Variants in BTBD9 observed in about 807,000 individuals in gnomAD.
BTBD9 encodes BTB domain containing 9.
A neutral mutation model predicts 64.3 loss-of-function variants in BTBD9; 49 were observed. The ratio of observed to expected loss-of-function variants is 0.76; its 90% CI spans 0.61 to 0.97. BTBD9 has a LOEUF of 0.97. BTBD9 is among the 50% of genes least tolerant of loss of function. BTBD9 has a pLI of 0.00. For synonymous variants in BTBD9, 260 were observed against 274.7 expected (o/e 0.95, Z 0.53); for missense variants, 598 against 762.1 (o/e 0.78, Z 2.53).
chr6:38,634,575 T>TA lies in BTBD9; in HGVS notation c.-28+5224_-28+5225insT, dbSNP rs750550906. On this transcript the variant is annotated intron_variant, in intron 1 of 10. Transcript: ENST00000481247. ...TTGCAAACTGGATTGTTCCTTTTTT[T>TA]TAAAAAAAAAGGGGGGGGAGAGGGC... Among the ~76,000 whole-genome samples, 1,421 of 150,950 alleles carry TA rather than the reference T, an allele frequency of 9.4e-3. 8 individuals are homozygous for TA. The highest frequency in any genetic ancestry group is 0.022 in the African/African-American group (897 of 41,128).
At chr6:38,208,587 G>A (rs191961235) in intron 9 of BTBD9, among the ~76,000 whole-genome samples, 4 of 152,252 alleles carry the variant, frequency 2.6e-5, no homozygotes, top group Admixed American at 6.5e-5. Flanking sequence ...AAATCAGCCC[G>A]GATCCTGTTT....
At chr6:38,179,856 C>T (rs1389337214) in intron 10 of BTBD9, 4 of 456,500 alleles carry the variant, frequency 8.8e-6, no homozygotes, top group Admixed American at 2.3e-5. Context: ...GGAAGGTGTG[C>T]ACAGGTGAGG....
At chr6:38,422,287 A>G (rs575211495) in intron 6 of BTBD9, among the ~76,000 whole-genome samples, 2 of 152,314 alleles carry the variant, frequency 1.3e-5, no homozygotes, top group East Asian at 3.9e-4. Context: ...AAGCTACTGT[A>G]AAATGAACTC....
chr6:38,599,952 T>C (rs960903685), intron 1 of BTBD9, among the ~76,000 whole-genome samples: 2 of 152,194 alleles, frequency 1.3e-5, no homozygotes, highest in Non-Finnish European at 2.9e-5. Flanking sequence ...AGCAGGATAA[T>C]CCCTTAACTG....
chr6:38,315,011 G>T (rs1044112895), intron 7 of BTBD9, among the ~76,000 whole-genome samples: 4 of 152,028 alleles, frequency 2.6e-5, no homozygotes, highest in Non-Finnish European at 4.4e-5. Flanking sequence ...ACCACATCTG[G>T]CTAATTTTTT....
intron 6 of BTBD9, among the ~76,000 whole-genome samples, chr6:38,491,517 C>T (rs576005245): frequency 1.3e-5 from 2 of 152,238 alleles, no homozygotes; most frequent in South Asian, 4.2e-4. Flanking sequence ...TTTATTGCTA[C>T]TTTAGTAGTT....
At chr6:38,444,176 C>T (rs1398180467) in intron 6 of BTBD9, among the ~76,000 whole-genome samples, 1 of 152,176 alleles carries the variant, frequency 6.6e-6, no homozygotes, top group Non-Finnish European at 1.5e-5. Context: ...ATCCCCTGGC[C>T]ATGTGTCTTC....
chr6:38,584,845 C>A (rs949675473), intron 4 of BTBD9, among the ~76,000 whole-genome samples: 4 of 152,122 alleles, frequency 2.6e-5, no homozygotes, highest in African/African-American at 9.7e-5. Flanking sequence ...TCTCTGCAGG[C>A]CTCCTTTCCA....
chr6:38,423,073 T>C (rs1009709467), intron 6 of BTBD9, among the ~76,000 whole-genome samples: 1 of 152,136 alleles, frequency 6.6e-6, no homozygotes, highest in Non-Finnish European at 1.5e-5. Context: ...GAGATCAGCA[T>C]GGCCAACATG....
chr6:38,355,846 T>C (rs1309415528), intron 6 of BTBD9, among the ~76,000 whole-genome samples: 1 of 152,154 alleles, frequency 6.6e-6, no homozygotes, highest in African/African-American at 2.4e-5. Flanking sequence ...CTCATTTTGG[T>C]GGAGTACATT....
intron 6 of BTBD9, among the ~76,000 whole-genome samples, chr6:38,410,522 C>T (rs1767376429): frequency 6.6e-6 from 1 of 152,156 alleles, no homozygotes; most frequent in African/African-American, 2.4e-5. Context: ...ATGGAATAAT[C>T]TCAAAAACTT....
At position 38,175,062 on chromosome 6, in the gene BTBD9, G is replaced by A; in HGVS notation, c.1762C>T (p.Leu588=). 1 of 1,614,232 alleles carries A rather than the reference G, an allele frequency of 6.2e-7. No individual in the cohort carries two copies. The highest frequency in any genetic ancestry group is 8.5e-7 in the Non-Finnish European group (1 of 1,180,058). The change falls in exon 11 of 11, where the codon CTG becomes TTG. Residue 588 remains leucine, a synonymous_variant. Coordinates refer to ENST00000481247, the MANE Select transcript of BTBD9 (RefSeq NM_001099272.2). ...LAGQQLDSHA[L]RAPSGSSLPS... is the part of the protein sequence containing the mutation. ...AGTGAGCTGCCACTAGGCGCCCGCA[G>A]CGCATGGGAGTCGAGCTGCTGACCG...
At chr6:38,488,755 A>T (rs1325845047) in intron 6 of BTBD9, among the ~76,000 whole-genome samples, 1 of 152,222 alleles carries the variant, frequency 6.6e-6, no homozygotes, top group East Asian at 1.9e-4. Flanking sequence ...TTTGAATTTC[A>T]AAAGTGGTAC....
At chr6:38,576,933 A>G (rs961336677) in intron 6 of BTBD9, among the ~76,000 whole-genome samples, 3 of 152,162 alleles carry the variant, frequency 2.0e-5, no homozygotes, top group South Asian at 2.1e-4. Flanking sequence ...TGAAATATTA[A>G]AACAGTAGCT....
intron 6 of BTBD9, among the ~76,000 whole-genome samples, chr6:38,480,490 C>G (rs1253683768): frequency 6.6e-6 from 1 of 152,212 alleles, no homozygotes; most frequent in Non-Finnish European, 1.5e-5. Flanking sequence ...GTTACACAAT[C>G]TGCTTTTAGC....
intron 1 of BTBD9, among the ~76,000 whole-genome samples, chr6:38,621,654 T>C (rs1468910911): frequency 6.6e-6 from 1 of 152,180 alleles, no homozygotes; most frequent in African/African-American, 2.4e-5. Context: ...TACATGCCCA[T>C]GCTGCAATAT....
At chr6:38,406,473 C>T (rs183834617) in intron 6 of BTBD9, among the ~76,000 whole-genome samples, 220 of 152,212 alleles carry the variant, frequency 1.4e-3, no homozygotes, top group Non-Finnish European at 2.2e-3. Flanking sequence ...TTGGAAAAGA[C>T]CTCTTAGATT....
intron 6 of BTBD9, among the ~76,000 whole-genome samples, chr6:38,490,474 C>A (rs1422484592): frequency 6.6e-6 from 1 of 152,088 alleles, no homozygotes; most frequent in Non-Finnish European, 1.5e-5. Flanking sequence ...GTGTGCACCA[C>A]CAGGCCTGGC....
intron 6 of BTBD9, among the ~76,000 whole-genome samples, chr6:38,396,902 T>C (rs1353026342): frequency 8.1e-5 from 11 of 135,256 alleles, no homozygotes; most frequent in Non-Finnish European, 1.2e-4. Context: ...TTTTTCTTTT[T>C]TTTTTTTTTT....
Sources: gnomAD v4.1 joint callset for allele counts (sites outside exome capture counted in the v4.1 genomes callset) on GRCh38, gnomAD v4.1.1 for gene constraint, MANE v1.5 for transcripts, NCBI Gene and HGNC (gene_info 2026-07-23, HGNC 2026-07-21) for gene names.